Variants in LRRC9 observed in about 807,000 individuals in gnomAD.
LRRC9 encodes leucine-rich repeat-containing protein 9.
A neutral mutation model predicts 63.2 loss-of-function variants in LRRC9; 122 were observed. The observed-to-expected ratio is 1.93, with a 90% CI of 1.67 to 2.24. The LOEUF (loss-of-function observed/expected upper bound fraction) is 2.24, where lower values mean the gene tolerates loss of function less well. Among genes scored for constraint, LRRC9 ranks in the 30% most tolerant of loss-of-function variants. The pLI is 0.00. For synonymous variants in LRRC9, 366 were observed against 213.1 expected (o/e 1.72, Z -6.25); for missense variants, 1,071 against 627.7 (o/e 1.71, Z -7.55).
intron 19 of LRRC9, among the ~76,000 whole-genome samples, chr14:59,999,974 T>C (rs1483867350): frequency 6.6e-6 from 1 of 152,080 alleles, no homozygotes; most frequent in South Asian, 2.1e-4. Flanking sequence ...ATTGTTCTAC[T>C]AAAAAGACAC....
chr14:60,004,958 T>C lies in LRRC9; in HGVS notation c.2842+1160T>C, dbSNP rs1443160591. Reference sequence around the variant, plus strand: ...GTGCATTTTGGTAACATGGTTGTGTTTGTCAAGGAGGGAAGGTAAGAATTA... The same window carrying C: ...GTGCATTTTGGTAACATGGTTGTGTCTGTCAAGGAGGGAAGGTAAGAATTA... On this transcript the variant is annotated intron_variant, in intron 21 of 31. Transcript: ENST00000445360. The surrounding 1 kb of genome is among the most constrained non-coding windows in gnomAD (Gnocchi z 4.8). Among the ~76,000 whole-genome samples the C allele has an allele frequency of 2.6e-5, 4 of 151,984 alleles. No individual in the cohort carries two copies. The highest frequency in any genetic ancestry group is 4.8e-5 in the African/African-American group (2 of 41,404).
In LRRC9 at chr14:60,060,289, C is replaced by T. The variant is rs773544278; in HGVS notation, c.4276+2267C>T. ...CAAAGACTACTGCTCACTGACAATG[C>T]ACCTAGTCACCTAATAACTCTGATG... On this transcript the variant is annotated intron_variant, in intron 31 of 31. Transcript: ENST00000445360. This position sits in a 1 kb window ranked among gnomAD's most constrained non-coding sequence, Gnocchi z 4.0. Among the ~76,000 whole-genome samples the T allele has an allele frequency of 2.0e-5, 3 of 152,240 alleles. No homozygotes were observed. Among genetic ancestry groups the T allele is most frequent in the Non-Finnish European group, 4.4e-5 (3 of 68,044 alleles).
chr14:59,955,709 A>G (rs927507431), intron 8 of LRRC9, among the ~76,000 whole-genome samples: 5 of 151,740 alleles, frequency 3.3e-5, no homozygotes, highest in African/African-American at 9.7e-5. Context: ...TCTTGTTTCT[A>G]TAGTTCTCTT....
chr14:59,985,478 T>G (rs1887368447), intron 17 of LRRC9, among the ~76,000 whole-genome samples: 1 of 152,220 alleles, frequency 6.6e-6, no homozygotes, highest in South Asian at 2.1e-4. Flanking sequence ...ATATTCAAAT[T>G]TATTCTGCCA....
At chr14:60,059,200 A>T (rs1894493042) in intron 31 of LRRC9, 1 of 152,110 alleles carries the variant, frequency 6.6e-6, no homozygotes, top group African/African-American at 2.4e-5. Context: ...GGTTTGTGAC[A>T]ACCCTGCATC....
In LRRC9 at chr14:59,922,301, C is replaced by T. The variant is rs1566772354; in HGVS notation, c.-34+2418C>T. ...TTGGCCATTAGAAGGTTATTTTTGA[C>T]CTTGTAGTGGCTTGAGGTGTTCTCA... On this transcript the variant is annotated intron_variant, in intron 1 of 31. Coordinates refer to ENST00000445360, the Ensembl canonical transcript of LRRC9. The surrounding 1 kb of genome is among the most constrained non-coding windows in gnomAD (Gnocchi z 5.3). Among the ~76,000 whole-genome samples, 1 of 152,036 alleles carries T rather than the reference C, an allele frequency of 6.6e-6. No individual in the cohort carries two copies. The highest frequency in any genetic ancestry group is 2.1e-4 in the South Asian group (1 of 4,822).
intron 6 of LRRC9, among the ~76,000 whole-genome samples, chr14:59,937,225 T>C (rs966339138): frequency 1.2e-3 from 146 of 123,064 alleles, no homozygotes; most frequent in African/African-American, 4.3e-3. Context: ...AAAAGCCAAA[T>C]AGAAAATCTT....
intron 17 of LRRC9, among the ~76,000 whole-genome samples, chr14:59,996,945 T>C (rs1888861028): frequency 6.6e-6 from 1 of 152,158 alleles, no homozygotes; most frequent in Non-Finnish European, 1.5e-5. Flanking sequence ...TTAAAAATTA[T>C]GATCACATAG....
intron 29 of LRRC9, among the ~76,000 whole-genome samples, chr14:60,043,367 T>C (rs1009383995): frequency 6.6e-6 from 1 of 152,198 alleles, no homozygotes; most frequent in Admixed American, 6.5e-5. Context: ...ATTCTTGTCT[T>C]GTTCCAGTCT....
rs1019739457 is a variant in LRRC9, at chr14:60,055,352, C to T, written c.4131+2147C>T. ...TCTACTCAAATCTTTGTCACAGGCC[C>T]CAGTCTTTCAAAAGAGAGCAAATGG... On this transcript the variant is annotated intron_variant, in intron 30 of 31. Transcript: ENST00000445360. Among the ~76,000 whole-genome samples the T allele has an allele frequency of 2.6e-5, 4 of 152,222 alleles. No individual in the cohort carries two copies. In the South Asian group the frequency reaches 8.3e-4, roughly 32 times the overall value.
At chr14:59,987,305 G>A (rs910621223) in intron 17 of LRRC9, among the ~76,000 whole-genome samples, 5 of 150,336 alleles carry the variant, frequency 3.3e-5, no homozygotes, top group Admixed American at 1.3e-4. Flanking sequence ...ATGTAACTGC[G>A]TTTCTTTTGT....
intron 30 of LRRC9, chr14:60,054,153 T>G (rs1350019886): frequency 8.5e-6 from 2 of 234,048 alleles, no homozygotes; most frequent in Non-Finnish European, 1.7e-5. Context: ...CTCACCAGAT[T>G]AATTCCGGTG....
chr14:59,924,973 C>A (rs1315595291), intron 1 of LRRC9, among the ~76,000 whole-genome samples: 1 of 151,586 alleles, frequency 6.6e-6, no homozygotes, highest in African/African-American at 2.4e-5. Context: ...GGCTCACACT[C>A]ACACTCCCTT....
In LRRC9 at chr14:59,938,936, T is replaced by TATGC. The variant is rs1377150918; in HGVS notation, c.726+366_726+367insGCAT. ...ACACATATGCATATATATACACATA[T>TATGC]ATACATATACATACATATATACACA... On this transcript the variant is annotated intron_variant, in intron 7 of 31. Transcript: ENST00000445360. This position sits in a 1 kb window ranked among gnomAD's most constrained non-coding sequence, Gnocchi z 4.2. Among the ~76,000 whole-genome samples, 63 of 118,162 alleles carry TATGC rather than the reference T, an allele frequency of 5.3e-4. No homozygotes were observed. The highest frequency in any genetic ancestry group is 2.0e-3 in the African/African-American group (60 of 29,510). The allele number at this position is 118,162 out of a possible 152,430, so 77.5% of individuals were successfully genotyped here. A position where few individuals can be genotyped will look rare whatever the true frequency, so the allele number is the denominator to read the frequency against.
At chr14:60,025,257 A>AT (rs1379751908) in intron 27 of LRRC9, among the ~76,000 whole-genome samples, 2 of 150,854 alleles carry the variant, frequency 1.3e-5, no homozygotes, top group Non-Finnish European at 3.0e-5. Flanking sequence ...TGCCTGGCTA[A>AT]TTTTTTAATT....
rs539128100 is a variant in LRRC9 at position 59,930,469 on chromosome 14, A to G, written c.268-449A>G. 2.0e-5 allele frequency among the ~76,000 whole-genome samples: 3 copies of G among 152,136 alleles called. No individual in the cohort carries two copies. The highest frequency in any genetic ancestry group is 3.9e-4 in the East Asian group (2 of 5,190). ...TTCAGAAAATTATTATAAACTTGAA[A>G]TATTTCATAATTATTAAATATAATT... On this transcript the variant is annotated intron_variant, in intron 3 of 31. Coordinates refer to ENST00000445360, the Ensembl canonical transcript of LRRC9. This position sits in a 1 kb window ranked among gnomAD's most constrained non-coding sequence, Gnocchi z 4.9.
intron 7 of LRRC9, among the ~76,000 whole-genome samples, chr14:59,939,745 G>A (rs1481216501): frequency 2.6e-5 from 4 of 152,036 alleles, no homozygotes; most frequent in South Asian, 4.2e-4. Flanking sequence ...ATGAGGAAGA[G>A]TATGGGAGGT....
rs1883278590 is a variant in LRRC9 at position 59,952,557 on chromosome 14, T to C, written c.883-7261T>C. Among the ~76,000 whole-genome samples, 4 of 152,212 alleles carry C rather than the reference T, an allele frequency of 2.6e-5. No homozygotes were observed. The South Asian group carries it at 8.3e-4, about 32-fold the overall frequency. ...TTCTAACAGCTGGATATATCTATTA[T>C]AGAGGAGTACAGATAACTATTAAAT... On this transcript the variant is annotated intron_variant, in intron 8 of 31. Transcript: ENST00000445360.
chr14:59,931,331 C>T (rs1004685939), intron 4 of LRRC9, among the ~76,000 whole-genome samples: 2 of 152,066 alleles, frequency 1.3e-5, no homozygotes, highest in African/African-American at 2.4e-5. Context: ...AGATAAGTTA[C>T]ATAACTTGCC....
Sources: allele counts gnomAD v4.1 joint callset (sites outside exome capture counted in the v4.1 genomes callset), GRCh38; gene constraint gnomAD v4.1.1; non-coding constraint Gnocchi (gnomAD v3.1); transcripts MANE v1.5; gene names NCBI Gene and HGNC (gene_info 2026-07-23, HGNC 2026-07-21).